SYNPO2: variants seen among roughly 807,000 people sequenced by gnomAD.
SYNPO2 encodes synaptopodin-2.
A neutral mutation model predicts 85.0 loss-of-function variants in SYNPO2; 56 were observed. The ratio of observed to expected loss-of-function variants is 0.66; its 90% CI spans 0.53 to 0.82. The LOEUF is 0.82. SYNPO2 is among the 40% of genes least tolerant of loss of function. SYNPO2 has a pLI of 0.00. For missense variants in SYNPO2, 1,575 were observed against 1,534.2 expected, an observed-to-expected ratio of 1.03 and a Z score of -0.44; for synonymous variants, 602 against 591.1, an observed-to-expected ratio of 1.02 and a Z score of -0.27.
rs62327854 is a variant in SYNPO2 at position 119,024,043 on chromosome 4, A to C, written c.257+462A>C. The stretch of plus-strand genomic sequence containing the variant: ...AAGAGAAACAACAACAAAAACTTAC[A>C]AGCAGCCGGATTTCTCCAGTAAAAC... On this transcript the variant is annotated intron_variant, in intron 2 of 4. Transcript: ENST00000307142. Among the ~76,000 whole-genome samples the C allele has an allele frequency of 4.5e-3, 679 of 152,316 alleles. 2 individuals carry two copies. Among genetic ancestry groups the C allele is most frequent in the Middle Eastern group, 0.017 (5 of 294 alleles).
chr4:119,022,173 A>G (rs7680334), intron 1 of SYNPO2, among the ~76,000 whole-genome samples: 18,643 of 152,070 alleles, frequency 0.12, 3,370 homozygotes, highest in African/African-American at 0.39. Context: ...CCATTTAGCT[A>G]TACAGCTCTC....
At chr4:118,960,254 A>G (rs560985450) in intron 1 of SYNPO2, among the ~76,000 whole-genome samples, 5 of 152,286 alleles carry the variant, frequency 3.3e-5, no homozygotes, top group African/African-American at 1.2e-4. Context: ...GTCATTTGTT[A>G]TTTTCCATCC....
Position 119,023,584 on chromosome 4 carries a change from A to G in SYNPO2, c.257+3A>G. The G allele has an allele frequency of 6.2e-7, 1 of 1,609,950 alleles. No individual in the cohort carries two copies. Among genetic ancestry groups the G allele is most frequent in the African/African-American group, 1.3e-5 (1 of 74,910 alleles). On this transcript the variant is annotated splice_donor_region_variant and intron_variant, in intron 2 of 4. Coordinates refer to ENST00000307142, the MANE Select transcript of SYNPO2 (RefSeq NM_133477.3). ...TCTCTCCAAATGCTCATCAAAAGGT[A>G]CAACAGATTTGCTGGAATATGTATT...
At chr4:118,907,660 A>G (rs992651717) in intron 1 of SYNPO2, among the ~76,000 whole-genome samples, 36 of 152,230 alleles carry the variant, frequency 2.4e-4, no homozygotes, top group Admixed American at 2.0e-4. Context: ...TCTATACTGT[A>G]AACCCCTAAA....
In SYNPO2 at chr4:118,907,221, G is replaced by A. The variant is rs148464245; in HGVS notation, c.105+18080G>A. Among the ~76,000 whole-genome samples the A allele has an allele frequency of 6.2e-4, 95 of 152,148 alleles. No homozygotes were observed. The East Asian group carries it at 0.012, about 19-fold the overall frequency. ...GTAATCAATATGTTTTTTAAAAAAC[G>A]TCATTAACAGTGCATGGATTTAAAC... On this transcript the variant is annotated intron_variant, in intron 1 of 4. Transcript: ENST00000307142.
In SYNPO2 at chr4:118,889,155, G is replaced by T; in HGVS notation, c.105+14G>T. 6.2e-7 allele frequency: 1 copy of T among 1,612,562 alleles called. No homozygotes were observed. The highest frequency in any genetic ancestry group is 8.5e-7 in the Non-Finnish European group (1 of 1,178,992). Reference sequence around the variant, plus strand: ...CAAGTTGCAAAGGTAGGACCTGAACGAAGTGTCACGGCTCTGTGCTAGGAA... The same window carrying T: ...CAAGTTGCAAAGGTAGGACCTGAACTAAGTGTCACGGCTCTGTGCTAGGAA... On this transcript the variant is annotated intron_variant, in intron 1 of 4. Coordinates refer to ENST00000307142, the MANE Select transcript of SYNPO2 (RefSeq NM_133477.3).
rs2149204087 is a variant in SYNPO2, at chr4:119,060,844, G to C, written c.*2910G>C. 1 of 152,080 alleles carries C rather than the reference G, an allele frequency of 6.6e-6. No individual in the cohort carries two copies. Among genetic ancestry groups the C allele is most frequent in the East Asian group, 1.9e-4 (1 of 5,184 alleles). The allele number at this position is 152,080 out of a possible 1,614,324, so 9.4% of individuals were successfully genotyped here. A position where few individuals can be genotyped will look rare whatever the true frequency, so the allele number is the denominator to read the frequency against. ...TATCCATTAAGATGATTTAAAATTT[G>C]TCTTGTATTTTGAGTTTCTTAAATG... On this transcript the variant is annotated 3_prime_UTR_variant, in exon 5 of 5. Coordinates refer to ENST00000307142, the MANE Select transcript of SYNPO2 (RefSeq NM_133477.3).
chr4:118,889,125 C>T lies in SYNPO2; in HGVS notation c.89C>T (p.Pro30Leu). The change falls in exon 1 of 5, where the codon CCC (proline) becomes CTC (leucine). Residue 30 changes from proline (P) to leucine (L), a missense_variant. Coordinates refer to ENST00000307142, the MANE Select transcript of SYNPO2 (RefSeq NM_133477.3). ...CAAGGTGGCAAGGAGCAGAAGCAGC[C>T]CTTACAAGTTGCAAAGGTAGGACCT... The part of the protein sequence containing the change: ...RLQGGKEQKQ[P>L]LQVAKIRNQS... The T allele has an allele frequency of 6.2e-7, 1 of 1,614,106 alleles. No homozygotes were observed. Among genetic ancestry groups the T allele is most frequent in the Non-Finnish European group, 8.5e-7 (1 of 1,180,012 alleles).
intron 1 of SYNPO2, among the ~76,000 whole-genome samples, chr4:118,876,124 A>C (rs915809286): frequency 6.6e-6 from 1 of 152,208 alleles, no homozygotes; most frequent in Non-Finnish European, 1.5e-5. Context: ...GGTCCTTCAG[A>C]TTCTTGAAGG....
At chr4:118,877,837 C>G (rs1731956773) in intron 1 of SYNPO2, among the ~76,000 whole-genome samples, 1 of 152,150 alleles carries the variant, frequency 6.6e-6, no homozygotes, top group South Asian at 2.1e-4. Context: ...CCATTCAGCT[C>G]AGCAATTCCA....
upstream of SYNPO2, among the ~76,000 whole-genome samples, chr4:118,885,161 G>A (rs1279777946): frequency 6.6e-6 from 1 of 152,208 alleles, no homozygotes; most frequent in African/African-American, 2.4e-5. Context: ...ATTCAAGGTA[G>A]GGGTAGTAAG....
intron 1 of SYNPO2, among the ~76,000 whole-genome samples, chr4:118,921,786 C>T (rs1329923862): frequency 6.6e-6 from 1 of 151,668 alleles, no homozygotes; most frequent in Non-Finnish European, 1.5e-5. Flanking sequence ...TATGCACACA[C>T]ACACACACAC....
In SYNPO2 at chr4:118,905,093, C is replaced by G. The variant is rs184020245; in HGVS notation, c.105+15952C>G. ...TTCATTACTCCATCCTACCCGCATGCTACAATGACCAGATAGCTCCATGTT... is the reference window on the plus strand; with the variant it reads ...TTCATTACTCCATCCTACCCGCATGGTACAATGACCAGATAGCTCCATGTT... On this transcript the variant is annotated intron_variant, in intron 1 of 4. Transcript: ENST00000307142. Among the ~76,000 whole-genome samples, 8 of 152,282 alleles carry G rather than the reference C, an allele frequency of 5.3e-5. No individual in the cohort carries two copies. The East Asian group carries it at 1.5e-3, about 29-fold the overall frequency.
chr4:119,007,107 C>T (rs918588162), intron 1 of SYNPO2, among the ~76,000 whole-genome samples: 1 of 148,808 alleles, frequency 6.7e-6, no homozygotes, highest in Non-Finnish European at 1.5e-5. Flanking sequence ...ACAATTCTCT[C>T]CCCTCCCCTT....
At position 118,881,314 on chromosome 4, in the gene SYNPO2, AAAG is replaced by A. The variant is rs906268633; in HGVS notation, c.12+30388_12+30390del. On this transcript the variant is annotated intron_variant, in intron 1 of 4. Transcript: ENST00000610556. Reference sequence around the variant, plus strand: ...AAAACTCCGTCTCAAAAAAAAAAAAAAAGAAGAAGAAGAAGAGGTTAAGATATA... The same window carrying A: ...AAAACTCCGTCTCAAAAAAAAAAAAAAAGAAGAAGAAGAGGTTAAGATATA... Among the ~76,000 whole-genome samples the A allele has an allele frequency of 6.4e-3, 968 of 151,524 alleles. 8 individuals are homozygous for A. The highest frequency in any genetic ancestry group is 0.022 in the African/African-American group (902 of 41,282).
intron 1 of SYNPO2, among the ~76,000 whole-genome samples, chr4:118,915,807 G>A (rs1336663914): frequency 6.6e-6 from 1 of 152,070 alleles, no homozygotes; most frequent in South Asian, 2.1e-4. Flanking sequence ...AATATAAAAG[G>A]CATCCTGCGG....
chr4:119,012,771 C>T (rs1578642356), intron 1 of SYNPO2, among the ~76,000 whole-genome samples: 1 of 152,130 alleles, frequency 6.6e-6, no homozygotes, highest in African/African-American at 2.4e-5. Flanking sequence ...TGTATATGTG[C>T]CACATTTTCT....
At chr4:118,919,599 T>G (rs955262384) in intron 1 of SYNPO2, among the ~76,000 whole-genome samples, 1 of 152,184 alleles carries the variant, frequency 6.6e-6, no homozygotes, top group Non-Finnish European at 1.5e-5. Flanking sequence ...TAGTGTAATA[T>G]GATTTTGCAA....
chr4:118,929,773 G>A (rs56777348), intron 1 of SYNPO2, among the ~76,000 whole-genome samples: 4,071 of 152,172 alleles, frequency 0.027, 187 homozygotes, highest in African/African-American at 0.092. Context: ...ATCATAGATC[G>A]ATTGGTCTGG....
Sources: allele counts gnomAD v4.1 joint callset (sites outside exome capture counted in the v4.1 genomes callset), GRCh38; gene constraint gnomAD v4.1.1; transcripts MANE v1.5; gene names NCBI Gene and HGNC (gene_info 2026-07-23, HGNC 2026-07-21).